The following CTNNA2 variants were observed in gnomAD, a reference collection of about 807,000 sequenced individuals.
CTNNA2 encodes the protein catenin alpha-2.
A neutral mutation model predicts 101.0 loss-of-function variants in CTNNA2; 42 were observed. The observed-to-expected ratio is 0.42, with a 90% CI of 0.32 to 0.54. The LOEUF (loss-of-function observed/expected upper bound fraction) is 0.54, where lower values mean the gene tolerates loss of function less well. Ranked by LOEUF, CTNNA2 falls within the 20% of genes least tolerant of loss-of-function variation. CTNNA2 has a pLI of 0.14. For missense variants in CTNNA2, 871 were observed against 1,223.1 expected (o/e 0.71, Z 4.29); for synonymous variants, 450 against 456.4 (o/e 0.99, Z 0.18).
chr2:79,819,015 T>C (rs1677798741), intron 3 of CTNNA2, among the ~76,000 whole-genome samples: 1 of 150,368 alleles, frequency 6.7e-6, no homozygotes, highest in African/African-American at 2.5e-5. Flanking sequence ...AGTCTCACTC[T>C]GTCACCCAGG....
At chr2:79,838,080 C>A (rs940252622) in intron 3 of CTNNA2, among the ~76,000 whole-genome samples, 2 of 151,998 alleles carry the variant, frequency 1.3e-5, no homozygotes, top group Non-Finnish European at 2.9e-5. Flanking sequence ...AGATTGATTC[C>A]ATTTAATAGA....
At chr2:79,829,831 T>C (rs923275881) in intron 3 of CTNNA2, among the ~76,000 whole-genome samples, 2 of 151,878 alleles carry the variant, frequency 1.3e-5, no homozygotes, top group African/African-American at 4.8e-5. Context: ...GCCGTTGTCC[T>C]GCCTCAGCCT....
At chr2:80,111,602 C>T (rs1701212303) in intron 7 of CTNNA2, among the ~76,000 whole-genome samples, 1 of 152,142 alleles carries the variant, frequency 6.6e-6, no homozygotes, top group Non-Finnish European at 1.5e-5. Context: ...TGCAGTGTGG[C>T]AAGATTATGG....
Position 80,394,884 on chromosome 2 carries a change from G to A in CTNNA2, c.1137+1593G>A, listed in dbSNP as rs545863578. 3.9e-5 allele frequency among the ~76,000 whole-genome samples: 6 copies of A among 152,226 alleles called. No homozygotes were observed. The South Asian group carries it at 1.2e-3, about 32-fold the overall frequency. On this transcript the variant is annotated intron_variant, in intron 8 of 18. Transcript: ENST00000402739. ...AAAAGCAGTGGGAGGACATCTCCAGGTCTTGCCTTTGGCTAGATTGTCAAC... is the reference window on the plus strand; with the variant it reads ...AAAAGCAGTGGGAGGACATCTCCAGATCTTGCCTTTGGCTAGATTGTCAAC...
At chr2:79,269,100 C>G (rs528668387) in intron 2 of CTNNA2, among the ~76,000 whole-genome samples, 1 of 152,146 alleles carries the variant, frequency 6.6e-6, no homozygotes, top group Non-Finnish European at 1.5e-5. Context: ...CTGCTCAGAA[C>G]AGAAAGAAAA....
chr2:80,310,972 CAA>C lies in CTNNA2; in HGVS notation c.1057-82222_1057-82221del, dbSNP rs3040535. ...TGGGTGACAGTGCGAGACTCCATCT[CAA>C]AAAAAAAAAAAAAAAATGTAAATAG... On this transcript the variant is annotated intron_variant, in intron 7 of 18. Coordinates refer to ENST00000402739, the MANE Select transcript of CTNNA2 (RefSeq NM_001282597.3). Among the ~76,000 whole-genome samples the C allele has an allele frequency of 6.3e-3, 609 of 96,372 alleles. 3 individuals are homozygous for C. Among genetic ancestry groups the C allele is most frequent in the East Asian group, 0.035 (119 of 3,436 alleles). The allele number at this position is 96,372 out of a possible 152,430, so 63.2% of individuals were successfully genotyped here. A position where few individuals can be genotyped will look rare whatever the true frequency, so the allele number is the denominator to read the frequency against.
intron 4 of CTNNA2, among the ~76,000 whole-genome samples, chr2:79,467,541 T>G (rs577279093): frequency 1.4e-4 from 22 of 152,064 alleles, no homozygotes; most frequent in African/African-American, 5.3e-4. Context: ...ACAAAGATAC[T>G]CCTTGAGAAG....
chr2:79,913,943 G>A (rs1489068701), intron 7 of CTNNA2, among the ~76,000 whole-genome samples: 1 of 151,852 alleles, frequency 6.6e-6, no homozygotes, highest in Non-Finnish European at 1.5e-5. Flanking sequence ...CGAGGCGGGC[G>A]GATCACGAGG....
At chr2:79,798,450 A>G (rs1675892584) in intron 3 of CTNNA2, among the ~76,000 whole-genome samples, 1 of 151,862 alleles carries the variant, frequency 6.6e-6, no homozygotes, top group African/African-American at 2.4e-5. Flanking sequence ...ATTCAGTTAG[A>G]TTTTTATCTT....
At chr2:79,916,707 C>A (rs1189329615) in intron 7 of CTNNA2, among the ~76,000 whole-genome samples, 1 of 151,450 alleles carries the variant, frequency 6.6e-6, no homozygotes, top group African/African-American at 2.4e-5. Context: ...CTCAGCCTCG[C>A]TAGTAGCTGG....
chr2:79,830,139 T>A (rs938533212), intron 3 of CTNNA2, among the ~76,000 whole-genome samples: 2 of 152,096 alleles, frequency 1.3e-5, no homozygotes, highest in Admixed American at 6.6e-5. Flanking sequence ...TGGGGTGCAA[T>A]ACGAAACATG....
chr2:80,204,924 T>G (rs1208514907), intron 7 of CTNNA2, among the ~76,000 whole-genome samples: 1 of 151,910 alleles, frequency 6.6e-6, no homozygotes. Context: ...ACATCTCACA[T>G]AGATGTCAGC....
chr2:79,197,797 C>T (rs1467875546), intron 1 of CTNNA2, among the ~76,000 whole-genome samples: 1 of 152,172 alleles, frequency 6.6e-6, no homozygotes, highest in African/African-American at 2.4e-5. Flanking sequence ...GTTGTTGAGA[C>T]GGAGTCTCGC....
chr2:79,282,241 C>CT (rs1313575460), intron 2 of CTNNA2, among the ~76,000 whole-genome samples: 1 of 151,902 alleles, frequency 6.6e-6, no homozygotes, highest in East Asian at 1.9e-4. Flanking sequence ...TCTTTATAAT[C>CT]TTTTTTTAAA....
intron 9 of CTNNA2, among the ~76,000 whole-genome samples, chr2:80,485,841 A>G (rs755136285): frequency 1.3e-5 from 2 of 152,120 alleles, no homozygotes; most frequent in Non-Finnish European, 2.9e-5. Context: ...ATCACTCTCT[A>G]TTACTTACAG....
chr2:79,531,186 AGAT>A (rs1232895062), intron 1 of CTNNA2, among the ~76,000 whole-genome samples: 2 of 135,034 alleles, frequency 1.5e-5, no homozygotes, highest in Non-Finnish European at 3.1e-5. Flanking sequence ...ATTAGTAAAT[AGAT>A]ACGCTCATAT....
intron 2 of CTNNA2, among the ~76,000 whole-genome samples, chr2:79,303,137 A>C (rs1207442088): frequency 6.6e-6 from 1 of 152,202 alleles, no homozygotes; most frequent in East Asian, 1.9e-4. Context: ...GTTTGAAAAC[A>C]GAGACAAAAC....
At chr2:79,546,341 C>A (rs1673729095) in intron 1 of CTNNA2, among the ~76,000 whole-genome samples, 1 of 152,098 alleles carries the variant, frequency 6.6e-6, no homozygotes, top group Admixed American at 6.5e-5. Flanking sequence ...GTAACTCCAA[C>A]CTAAAACAGG....
Position 79,811,337 on chromosome 2 carries a change from T to A in CTNNA2, c.299-46676T>A, listed in dbSNP as rs189312390. On this transcript the variant is annotated intron_variant, in intron 3 of 18. Coordinates refer to ENST00000402739, the MANE Select transcript of CTNNA2 (RefSeq NM_001282597.3). ...TGCATAAATGTCTTCTTTTGAGGAG[T>A]GTCTGTTGATATGCTTCACCCACTT... Among the ~76,000 whole-genome samples, 378 of 152,192 alleles carry A rather than the reference T, an allele frequency of 2.5e-3. 1 individual carries two copies. The highest frequency in any genetic ancestry group is 6.9e-3 in the South Asian group (33 of 4,806).
Sources: allele counts gnomAD v4.1 joint callset (sites outside exome capture counted in the v4.1 genomes callset), GRCh38; gene constraint gnomAD v4.1.1; transcripts MANE v1.5; gene names NCBI Gene and HGNC (gene_info 2026-07-23, HGNC 2026-07-21).